Variants in DGCR2 observed in about 807,000 individuals in gnomAD.
DGCR2 encodes the protein integral membrane protein DGCR2/IDD.
A neutral mutation model predicts 51.6 loss-of-function variants in DGCR2; 24 were observed. That is an observed-to-expected ratio of 0.47 (90% CI 0.34 to 0.65). The LOEUF is 0.65. Among genes scored for constraint, DGCR2 ranks in the 30% least tolerant of loss-of-function variants. The pLI, the probability that DGCR2 is intolerant of heterozygous loss-of-function variation, is 0.01. For missense variants in DGCR2, 765 were observed against 772.1 expected, an observed-to-expected ratio of 0.99 and a Z score of 0.11; for synonymous variants, 340 against 315.4, an observed-to-expected ratio of 1.08 and a Z score of -0.82.
chr22:19,064,202 C>CA (rs1373769897), intron 4 of DGCR2, among the ~76,000 whole-genome samples: 7 of 152,272 alleles, frequency 4.6e-5, no homozygotes, highest in Non-Finnish European at 8.8e-5. Flanking sequence ...CTATGCTGTG[C>CA]AACCACAAGG....
chr22:19,107,203 C>A (rs919529141), intron 1 of DGCR2, among the ~76,000 whole-genome samples: 4 of 152,160 alleles, frequency 2.6e-5, no homozygotes, highest in Non-Finnish European at 5.9e-5. Flanking sequence ...AAGGCTCCAC[C>A]CTCAGTCACT....
chr22:19,055,803 C>T (rs748002586), intron 6 of DGCR2: 54 of 153,056 alleles, frequency 3.5e-4, no homozygotes, highest in Non-Finnish European at 6.4e-4. Flanking sequence ...CCGCCCCGGC[C>T]GCACATCTGC....
chr22:19,068,104 G>C lies in DGCR2; in HGVS notation c.324C>G (p.Phe108Leu). Reference protein sequence around the residue: ...HAVNVAQPVRFSSFLGKCPTG... With the variant: ...HAVNVAQPVRLSSFLGKCPTG... ...CAGGGCAGGTCTGCAACTTACTGCT[G>C]AAGCGAACGGGCTGCGCCACGTTCA... Residue 108 changes from phenylalanine (F) to leucine (L), a missense_variant, in exon 3 of 10, where the codon TTC (phenylalanine) becomes TTG (leucine). By Grantham distance (22) the Phe-to-Leu change is conservative. Around this residue, in one of 3 missense-constraint regions of DGCR2, gnomAD observed 370 missense variants for 325.5 expected, o/e 1.14. Coordinates refer to ENST00000263196, the MANE Select transcript of DGCR2 (RefSeq NM_005137.3). The C allele has an allele frequency of 6.3e-7, 1 of 1,581,130 alleles. No individual in the cohort carries two copies. Among genetic ancestry groups the C allele is most frequent in the Non-Finnish European group, 8.6e-7 (1 of 1,165,358 alleles).
chr22:19,064,754 G>A (rs2082728313), intron 4 of DGCR2, 94 bp downstream of exon 4: 4 of 1,238,652 alleles, frequency 3.2e-6, no homozygotes, highest in Non-Finnish European at 4.6e-6. Context: ...TCTGCCAGCT[G>A]TGCTCCAGGA....
At chr22:19,065,298 T>C in intron 3 of DGCR2, 2 of 544,470 alleles carry the variant, frequency 3.7e-6, no homozygotes, top group Non-Finnish European at 6.6e-6. Flanking sequence ...CCCATTTCTA[T>C]AAGATCTTTT....
chr22:19,084,817 G>C (rs1042267535), intron 2 of DGCR2, among the ~76,000 whole-genome samples: 2 of 137,792 alleles, frequency 1.5e-5, no homozygotes, highest in African/African-American at 5.6e-5. Flanking sequence ...GTGGGGGGGC[G>C]CCTCCGCCCG....
intron 3 of DGCR2, among the ~76,000 whole-genome samples, chr22:19,066,361 G>A (rs557606668): frequency 1.3e-5 from 2 of 152,186 alleles, no homozygotes; most frequent in African/African-American, 4.8e-5. Flanking sequence ...AGCCAAAAGT[G>A]CGCCACTGCA....
intron 2 of DGCR2, among the ~76,000 whole-genome samples, chr22:19,082,064 G>GTT (rs544889246): frequency 1.1e-4 from 11 of 103,818 alleles, no homozygotes; most frequent in African/African-American, 2.1e-4. Context: ...GGTTTTTTTT[G>GTT]TTTTTTTTTT....
intron 7 of DGCR2, 84 bp from the exon 8 acceptor site, chr22:19,042,043 G>T: frequency 6.7e-7 from 1 of 1,495,170 alleles, no homozygotes; most frequent in African/African-American, 1.4e-5. Context: ...CTCCTGCCCA[G>T]GCGGGCTGTG....
Position 19,094,573 on chromosome 22 carries a change from GA to G in DGCR2, c.80-5084del, listed in dbSNP as rs551456114. Among the ~76,000 whole-genome samples the G allele has an allele frequency of 2.4e-4, 36 of 152,358 alleles. No individual in the cohort carries two copies. In the East Asian group the frequency reaches 6.7e-3, roughly 29 times the overall value. On this transcript the variant is annotated intron_variant, in intron 1 of 9. Coordinates refer to ENST00000263196, the MANE Select transcript of DGCR2 (RefSeq NM_005137.3). ...AAATGTAAATGGTACAACTTCTTTG[GA>G]AAACAATTTGACAGTTTCTTTAAAA...
At chr22:19,052,774 A>G (rs2146318738) in intron 6 of DGCR2, among the ~76,000 whole-genome samples, 1 of 151,692 alleles carries the variant, frequency 6.6e-6, no homozygotes, top group East Asian at 1.9e-4. Context: ...CCTTGTCGCC[A>G]AAAAGAAAAA....
At chr22:19,103,987 A>C (rs2083234769) in intron 1 of DGCR2, among the ~76,000 whole-genome samples, 1 of 152,090 alleles carries the variant, frequency 6.6e-6, no homozygotes, top group Non-Finnish European at 1.5e-5. Context: ...CAGCCACTGC[A>C]ATCCATCCTG....
chr22:19,039,261 T>A lies in DGCR2; in HGVS notation c.1397-140A>T. 4 of 1,051,544 alleles carry A rather than the reference T, an allele frequency of 3.8e-6. 1 individual carries two copies. The South Asian group carries it at 6.5e-5, about 17-fold the overall frequency. 65.1% of individuals were successfully genotyped at this position (1,051,544 alleles called of 1,614,324 possible). ...GGGTGGTGAGCAGGACCTGGGTGGC[T>A]CCCCCGGGCCTCAGATTTTGAAGGA... On this transcript the variant is annotated intron_variant, in intron 9 of 9. Transcript: ENST00000263196.
chr22:19,105,935 G>A (rs1191872459), intron 1 of DGCR2, among the ~76,000 whole-genome samples: 1 of 151,908 alleles, frequency 6.6e-6, no homozygotes, highest in Non-Finnish European at 1.5e-5. Context: ...CGGCTCACCA[G>A]TCCCTGCAGC....
In DGCR2 at chr22:19,041,988, C is replaced by G. The variant is rs1359239177; in HGVS notation, c.1007-29G>C. 3.1e-6 allele frequency: 5 copies of G among 1,604,358 alleles called. No individual in the cohort carries two copies. The African/African-American group carries it at 6.7e-5, about 21-fold the overall frequency. On this transcript the variant is annotated intron_variant, in intron 7 of 9. Coordinates refer to ENST00000263196, the MANE Select transcript of DGCR2 (RefSeq NM_005137.3). The stretch of plus-strand genomic sequence containing the variant: ...AGGGGGAGGGGAGGAAATGGCCGCT[C>G]TGAGAAGGGGGCCACCCTCGTGCTA...
intron 1 of DGCR2, among the ~76,000 whole-genome samples, chr22:19,108,214 G>C (rs2083278592): frequency 1.3e-5 from 2 of 151,996 alleles, no homozygotes; most frequent in Admixed American, 1.3e-4. Context: ...ACCATAACAA[G>C]AAAAAATGAT....
chr22:19,070,676 G>A (rs1474908262), intron 2 of DGCR2, among the ~76,000 whole-genome samples: 1 of 152,228 alleles, frequency 6.6e-6, no homozygotes, highest in Admixed American at 6.5e-5. Flanking sequence ...AACATAACCA[G>A]AAAGCCAAAT....
At chr22:19,109,184 T>A (rs2083289787) in intron 1 of DGCR2, among the ~76,000 whole-genome samples, 1 of 152,138 alleles carries the variant, frequency 6.6e-6, no homozygotes, top group Admixed American at 6.6e-5. Flanking sequence ...CTCATGTACA[T>A]CGTTGGTAGG....
At position 19,038,843 on chromosome 22, in the gene DGCR2, G is replaced by A. The variant is rs112784648; in HGVS notation, c.*22C>T. ...TACAACAGACAGGTGCTCCCAGACC[G>A]TTGGGGTACAGGCCAGGCCGTCTAC... On this transcript the variant is annotated 3_prime_UTR_variant, in exon 10 of 10. Transcript: ENST00000263196. 20,713 of 1,605,694 alleles carry A rather than the reference G, an allele frequency of 0.013. 175 individuals carry two copies. The highest frequency in any genetic ancestry group is 0.02 in the Middle Eastern group (118 of 6,032).
Sources: allele counts gnomAD v4.1 joint callset (sites outside exome capture counted in the v4.1 genomes callset), GRCh38; gene constraint gnomAD v4.1.1; regional missense constraint gnomAD v4.1.1; transcripts MANE v1.5; gene names NCBI Gene and HGNC (gene_info 2026-07-23, HGNC 2026-07-21).